Variants in NDUFB11 observed in about 807,000 individuals in gnomAD.
The protein encoded by NDUFB11 is NADH:ubiquinone oxidoreductase subunit B11.
For missense variants in NDUFB11, 108 were observed against 133.8 expected, an observed-to-expected ratio of 0.81 and a Z score of 0.95; for synonymous variants, 51 against 57.4, an observed-to-expected ratio of 0.89 and a Z score of 0.51.
chrX:47,142,723 C>T lies in NDUFB11; in HGVS notation c.229G>A (p.Asp77Asn), dbSNP rs202002020. The stretch of plus-strand genomic sequence containing the variant: ...CAGACGTCCAAAACGGGGTCCTTGT[C>T]ATAACCATGGGAGTCTGGGTTCTGT... Reference protein sequence around the residue: ...YEKNPDSHGYDKDPVLDVWNM... With the variant: ...YEKNPDSHGYNKDPVLDVWNM... The change falls in exon 2 of 3, where the codon GAC (aspartate) becomes AAC (asparagine). Residue 77 changes from aspartate to asparagine, a missense_variant. Physicochemically the swap from Asp to Asn is conservative, Grantham distance 23 (BLOSUM62 1). Transcript: ENST00000377811. 5.6e-5 allele frequency: 68 copies of T among 1,209,416 alleles called. No homozygotes were observed. Among genetic ancestry groups the T allele is most frequent in the African/African-American group, 7.0e-5 (4 of 57,208 alleles).
chrX:47,142,448 T>C lies in NDUFB11; in HGVS notation c.339-8A>G. On this transcript the variant is annotated splice_region_variant and splice_polypyrimidine_tract_variant and intron_variant, in intron 2 of 2. Coordinates refer to ENST00000377811, the MANE Select transcript of NDUFB11 (RefSeq NM_001135998.3). ...CGGGACCACTCTTTCATCCTGGTAG[T>C]GCAAATAGCAGGGGTAGACGTGAGG... The C allele has an allele frequency of 8.3e-7, 1 of 1,211,783 alleles. No individual in the cohort carries two copies.
At chrX:47,143,185 T>G (rs782131051) in intron 1 of NDUFB11, among the ~76,000 whole-genome samples, 7 of 112,919 alleles carry the variant, frequency 6.2e-5, no homozygotes, top group Admixed American at 4.7e-4. Context: ...CTCTTCCTTC[T>G]GTCTCTTTCT....
chrX:47,142,530 A>T, intron 2 of NDUFB11, 84 bp downstream of exon 2: 2 of 1,204,274 alleles, frequency 1.7e-6, no homozygotes, highest in Non-Finnish European at 2.2e-6. Context: ...TGGTGCAGGA[A>T]CAAAACTCCT....
Position 47,142,318 on chromosome X carries a change from C to T in NDUFB11, c.461G>A (p.Ter154=), listed in dbSNP as rs1556760588. 1 of 1,207,683 alleles carries T rather than the reference C, an allele frequency of 8.3e-7. No individual in the cohort carries two copies. Among genetic ancestry groups the T allele is most frequent in the African/African-American group, 1.7e-5 (1 of 57,707 alleles). Residue 154 remains the stop codon, a stop_retained_variant, in exon 3 of 3, where the codon TGA becomes TAA. Coordinates refer to ENST00000377811, the MANE Select transcript of NDUFB11 (RefSeq NM_001135998.3). ...PSKIQLPEDE[*] ...TCTTGAGCCCCACTTAGCAACTGGT[C>T]ACTCATCCTCTGGCAGCTGGATCTT...
At chrX:47,144,438 T>TCCC (rs1931910888) in intron 1 of NDUFB11, 35 bp downstream of exon 1, 4 of 405,692 alleles carry the variant, frequency 9.9e-6, no homozygotes, top group African/African-American at 9.1e-5. Flanking sequence ...CGGGGTTCCG[T>TCCC]CCCCACTACC....
chrX:47,143,040 T>C (rs1444148064), intron 1 of NDUFB11, among the ~76,000 whole-genome samples: 6 of 112,159 alleles, frequency 5.3e-5, no homozygotes, highest in Non-Finnish European at 9.4e-5. Flanking sequence ...AGTTGAAGCA[T>C]AGGAAACTGC....
intron 1 of NDUFB11, among the ~76,000 whole-genome samples, chrX:47,144,142 AG>A (rs1315635469): frequency 9.2e-6 from 1 of 108,899 alleles, no homozygotes; most frequent in Non-Finnish European, 1.9e-5. Flanking sequence ...AAAAAAAAAA[AG>A]AATGCAGACG....
Sources: allele counts gnomAD v4.1 joint callset (sites outside exome capture counted in the v4.1 genomes callset), GRCh38; gene constraint gnomAD v4.1.1; transcripts MANE v1.5; gene names NCBI Gene and HGNC (gene_info 2026-07-23, HGNC 2026-07-21).